The following HAUS5 variants were observed in gnomAD, a reference collection of about 807,000 sequenced individuals.
HAUS5 encodes the protein HAUS augmin-like complex subunit 5.
In HAUS5, 67 loss-of-function variants were observed where a neutral mutation model predicts 94.1. That is an observed-to-expected ratio of 0.71 (90% CI 0.58 to 0.87). HAUS5 has a LOEUF of 0.87. HAUS5 is among the 40% of genes least tolerant of loss of function. HAUS5 has a pLI of 0.00. For synonymous variants in HAUS5, 339 were observed against 355.4 expected (o/e 0.95, Z 0.52); for missense variants, 739 against 825.6 (o/e 0.90, Z 1.29).
At chr19:35,615,461 A>AGG in intron 6 of HAUS5, 75 bp downstream of exon 6, 1 of 1,214,360 alleles carries the variant, frequency 8.2e-7, no homozygotes, top group Non-Finnish European at 1.1e-6. Context: ...CTCTGCCCTG[A>AGG]TCCCTTCTTG....
At chr19:35,621,315 C>A (rs1351293023) in intron 17 of HAUS5, among the ~76,000 whole-genome samples, 4 of 151,988 alleles carry the variant, frequency 2.6e-5, no homozygotes, top group African/African-American at 4.8e-5. Context: ...GCCTACCACG[C>A]CCTCTGCCCA....
In HAUS5 at chr19:35,622,334, G is replaced by A. The variant is rs375131734; in HGVS notation, c.1652-267G>A. On this transcript the variant is annotated intron_variant, in intron 17 of 18. Transcript: ENST00000203166. Reference sequence around the variant, plus strand: ...TTGATGGGCTCTCACGGGGAGGGAGGAAGGCATCCAGAAGGAGGCCTGGAT... The same window carrying A: ...TTGATGGGCTCTCACGGGGAGGGAGAAAGGCATCCAGAAGGAGGCCTGGAT... Among the ~76,000 whole-genome samples the A allele has an allele frequency of 1.6e-3, 249 of 151,546 alleles. 3 individuals are homozygous for A. Among genetic ancestry groups the A allele is most frequent in the Middle Eastern group, 6.8e-3 (2 of 294 alleles).
rs1485784128 is a variant in HAUS5, at chr19:35,618,134, C to T, written c.760C>T (p.Arg254Trp). ...TGCCTTGGAGCACCTGGCTGCAGAGCGGGAGGCAGAGATTCGGTCCCTGTG... is the reference window on the plus strand; with the variant it reads ...TGCCTTGGAGCACCTGGCTGCAGAGTGGGAGGCAGAGATTCGGTCCCTGTG... ...LAALEHLAAE[R>W]EAEIRSLCSG... is the part of the protein sequence containing the mutation. Residue 254 changes from arginine (R) to tryptophan (W), a missense_variant, in exon 10 of 19, where the codon CGG becomes TGG. Arg to Trp is a moderately radical substitution (Grantham distance 101). Coordinates refer to ENST00000203166, the MANE Select transcript of HAUS5 (RefSeq NM_015302.2). The T allele has an allele frequency of 6.2e-7, 1 of 1,610,058 alleles. No homozygotes were observed. The highest frequency in any genetic ancestry group is 8.5e-7 in the Non-Finnish European group (1 of 1,177,262).
chr19:35,612,791 TG>T lies in HAUS5; in HGVS notation c.-3del, dbSNP rs1275685890. The T allele has an allele frequency of 4.9e-5, 75 of 1,542,982 alleles. No individual in the cohort carries two copies. The highest frequency in any genetic ancestry group is 6.1e-5 in the Non-Finnish European group (70 of 1,144,474). ...GGAGGCGGTGTCGCCGCCGCGGCGC[TG>T]TCATGGAGCTAGCGCAGGAAGCGCG... On this transcript the variant is annotated 5_prime_UTR_variant, in exon 1 of 19. Coordinates refer to ENST00000203166, the MANE Select transcript of HAUS5 (RefSeq NM_015302.2).
Position 35,618,129 on chromosome 19 carries a change from C to A in HAUS5, c.755C>A (p.Ala252Glu). ...HVLAALEHLAAEREAEIRSLC... is the reference protein window; with the variant it reads ...HVLAALEHLAEEREAEIRSLC... ...CTGGCTGCCTTGGAGCACCTGGCTG[C>A]AGAGCGGGAGGCAGAGATTCGGTCC... Residue 252 changes from alanine to glutamate, a missense_variant, in exon 10 of 19, where the codon GCA becomes GAA. By Grantham distance (107) the Ala-to-Glu change is moderately radical. Transcript: ENST00000203166. The A allele has an allele frequency of 6.2e-7, 1 of 1,609,940 alleles. No individual in the cohort carries two copies. The highest frequency in any genetic ancestry group is 8.5e-7 in the Non-Finnish European group (1 of 1,177,200).
Position 35,622,597 on chromosome 19 carries a change from T to A in HAUS5, c.1652-4T>A, listed in dbSNP as rs1294945188. 1.2e-6 allele frequency: 2 copies of A among 1,613,578 alleles called. No individual in the cohort carries two copies. The highest frequency in any genetic ancestry group is 3.3e-5 in the Admixed American group (2 of 59,954). On this transcript the variant is annotated splice_polypyrimidine_tract_variant and splice_region_variant and intron_variant, in intron 17 of 18. Coordinates refer to ENST00000203166, the MANE Select transcript of HAUS5 (RefSeq NM_015302.2). ...AAGCTGCCTCCTGGCTTTCTCACCC[T>A]CAGAGCTGCTGCAGATCCAGGCATC... is the stretch of plus-strand genomic sequence containing the variant.
intron 1 of HAUS5, 139 bp from the exon 2 acceptor site, chr19:35,613,588 AAAG>A (rs2071914070): frequency 4.7e-6 from 3 of 632,324 alleles, no homozygotes; most frequent in Admixed American, 2.9e-5. Flanking sequence ...AAAAAAAAAA[AAAG>A]GCAAAAAAAA....
Position 35,612,886 on chromosome 19 carries a change from T to C in HAUS5, c.92T>C (p.Leu31Pro). 1.3e-6 allele frequency: 2 copies of C among 1,544,112 alleles called. No individual in the cohort carries two copies. The highest frequency in any genetic ancestry group is 1.7e-6 in the Non-Finnish European group (2 of 1,144,402). The change falls in exon 1 of 19, where the codon CTG becomes CCG. Residue 31 changes from leucine (L) to proline (P), a missense_variant. By Grantham distance (98) the Leu-to-Pro change is moderately conservative. Transcript: ENST00000203166. ...PVAARAPEST[L>P]RRLCLGQGAD... ...GCGGCCCGGGCCCCGGAATCGACGC[T>C]GCGCAGGTGAGGACCGCTCCTGGAG...
intron 17 of HAUS5, among the ~76,000 whole-genome samples, chr19:35,621,007 A>G (rs1384924376): frequency 6.6e-6 from 1 of 152,204 alleles, no homozygotes; most frequent in Non-Finnish European, 1.5e-5. Flanking sequence ...CTCACCAAAT[A>G]CTGGGTGTCT....
rs2071954897 is a variant in HAUS5, at chr19:35,617,492, C to G, written c.638+123C>G. On this transcript the variant is annotated intron_variant, in intron 8 of 18. Transcript: ENST00000203166. ...CGTTCTGTAGAAGGGGACTTCCAGG[C>G]TGGGAATAGAAGGAGACAGTCTCTC... The G allele has an allele frequency of 4.6e-6, 3 of 658,986 alleles. No homozygotes were observed. In the East Asian group the frequency reaches 8.3e-5, roughly 18 times the overall value. 40.8% of individuals were successfully genotyped at this position (658,986 alleles called of 1,614,324 possible). A position where few individuals can be genotyped will look rare whatever the true frequency, so the allele number is the denominator to read the frequency against.
chr19:35,617,388 C>G lies in HAUS5; in HGVS notation c.638+19C>G. 6.4e-7 allele frequency: 1 copy of G among 1,568,574 alleles called. No homozygotes were observed. The highest frequency in any genetic ancestry group is 8.8e-7 in the Non-Finnish European group (1 of 1,139,600). ...GCCTCCCGTGAGTGTCCCTAGCCCC[C>G]AGAGACCCTGTAAAGACCCTGGGTT... is the stretch of plus-strand genomic sequence containing the variant. On this transcript the variant is annotated intron_variant, in intron 8 of 18. Transcript: ENST00000203166.
chr19:35,619,050 G>A lies in HAUS5; in HGVS notation c.1179+1G>A. The A allele has an allele frequency of 1.3e-6, 2 of 1,585,552 alleles. No individual in the cohort carries two copies. Among genetic ancestry groups the A allele is most frequent in the Non-Finnish European group, 1.7e-6 (2 of 1,167,750 alleles). ...GATCCTGCACTGGCGCCAGCTGGTG[G>A]TGAGAGGCTAGGCCCAGGGCCTTGT... On this transcript the variant is annotated splice_donor_variant, in intron 13 of 18. Transcript: ENST00000203166. LOFTEE classifies it high-confidence loss of function.
At position 35,613,888 on chromosome 19, in the gene HAUS5, G is replaced by T. The variant is rs201676665; in HGVS notation, c.182G>T (p.Gly61Val). ...TGTAGGACTGTCAAGAAGATCCGGG[G>T]AAACCTACTCTGGTAACTGCTTCTT... is the stretch of plus-strand genomic sequence containing the variant. ...HSQRTVKKIRGNLLWYGHQDS... is the reference protein window; with the variant it reads ...HSQRTVKKIRVNLLWYGHQDS... The change falls in exon 3 of 19, where the codon GGA becomes GTA. Residue 61 changes from glycine (G) to valine (V), a missense_variant. By Grantham distance (109) the Gly-to-Val change is moderately radical. Transcript: ENST00000203166. 1 of 1,614,094 alleles carries T rather than the reference G, an allele frequency of 6.2e-7. No homozygotes were observed. Among genetic ancestry groups the T allele is most frequent in the Non-Finnish European group, 8.5e-7 (1 of 1,180,000 alleles).
rs777170720 is a variant in HAUS5 at position 35,618,198 on chromosome 19, G to A, written c.821+3G>A. The A allele has an allele frequency of 5.6e-6, 9 of 1,597,806 alleles. No homozygotes were observed. The South Asian group carries it at 6.7e-5, about 12-fold the overall frequency. ...CTTGGCGACACAGAGATATCCAGGTGTGGGGCAGGGTATTCTCACAGTTGG... is the reference window on the plus strand; with the variant it reads ...CTTGGCGACACAGAGATATCCAGGTATGGGGCAGGGTATTCTCACAGTTGG... On this transcript the variant is annotated splice_donor_region_variant and intron_variant, in intron 10 of 18. Transcript: ENST00000203166.
In HAUS5 at chr19:35,619,753, G is replaced by A. The variant is rs111599954; in HGVS notation, c.1401G>A (p.Pro467=). 3.4e-4 allele frequency: 533 copies of A among 1,549,000 alleles called. No homozygotes were observed. Among genetic ancestry groups the A allele is most frequent in the South Asian group, 7.4e-4 (61 of 82,920 alleles). ...TGGGCACGCTGCTGCGGCACAGGCC[G>A]GGAGAGTGAGACTGGGGCTGCCCCA... The part of the protein sequence containing the change: ...ILLGTLLRHR[P]GELKPLPTVL... Residue 467 remains proline (P), a synonymous_variant, in exon 15 of 19, where the codon CCG becomes CCA. Transcript: ENST00000203166.
At position 35,623,083 on chromosome 19, in the gene HAUS5, G is replaced by C; in HGVS notation, c.*90G>C. The stretch of plus-strand genomic sequence containing the variant: ...GACATTTGGAAGAAAGCAGCGCCAG[G>C]ATTCCTCGGCAGTCGTCCCCACCCG... On this transcript the variant is annotated 3_prime_UTR_variant, in exon 19 of 19. Coordinates refer to ENST00000203166, the MANE Select transcript of HAUS5 (RefSeq NM_015302.2). The C allele has an allele frequency of 1.1e-6, 1 of 927,954 alleles. No homozygotes were observed. The highest frequency in any genetic ancestry group is 1.6e-5 in the African/African-American group (1 of 60,932). The allele number at this position is 927,954 out of a possible 1,614,324, so 57.5% of individuals were successfully genotyped here. A position where few individuals can be genotyped will look rare whatever the true frequency, so the allele number is the denominator to read the frequency against.
rs1174341677 is a variant in HAUS5 at position 35,619,735 on chromosome 19, G to A, written c.1383G>A (p.Thr461=). 1.9e-6 allele frequency: 3 copies of A among 1,560,958 alleles called. No homozygotes were observed. Among genetic ancestry groups the A allele is most frequent in the African/African-American group, 2.7e-5 (2 of 73,696 alleles). The part of the protein sequence containing the change: ...VRHLPHILLG[T]LLRHRPGELK... ...ATTTGCCCCACATTCTGTTGGGCAC[G>A]CTGCTGCGGCACAGGCCGGGAGAGT... Residue 461 remains threonine (T), a synonymous_variant, in exon 15 of 19, where the codon ACG becomes ACA. Coordinates refer to ENST00000203166, the MANE Select transcript of HAUS5 (RefSeq NM_015302.2).
chr19:35,620,290 C>T lies in HAUS5; in HGVS notation c.1614C>T (p.His538=). Residue 538 remains histidine (H), a synonymous_variant, in exon 17 of 19, where the codon CAC becomes CAT. Coordinates refer to ENST00000203166, the MANE Select transcript of HAUS5 (RefSeq NM_015302.2). ...QRSLWCWDLL[H]MKTSLPPGLP... ...GCCTCTGGTGCTGGGATCTACTCCA[C>T]ATGAAGACCAGCCTGCCGCCAGGCC... The T allele has an allele frequency of 6.2e-7, 1 of 1,613,490 alleles. No homozygotes were observed.
rs570088805 is a variant in HAUS5, at chr19:35,623,182, G to A, written c.*189G>A. The A allele has an allele frequency of 1.9e-5, 11 of 588,088 alleles. No homozygotes were observed. In the East Asian group the frequency reaches 3.1e-4, roughly 17 times the overall value. The allele number at this position is 588,088 out of a possible 1,614,324, so 36.4% of individuals were successfully genotyped here. ...GACCCTGTCCTTTCATCCCGCTAAA[G>A]CACCCCCTAAAACCCCTTCATCACT... On this transcript the variant is annotated 3_prime_UTR_variant, in exon 19 of 19. Transcript: ENST00000203166.
Sources: gnomAD v4.1 joint callset for allele counts (sites outside exome capture counted in the v4.1 genomes callset) on GRCh38, gnomAD v4.1.1 for gene constraint, MANE v1.5 for transcripts, NCBI Gene and HGNC (gene_info 2026-07-23, HGNC 2026-07-21) for gene names.